The following CALN1 variants were observed in gnomAD, a reference collection of about 807,000 sequenced individuals.
CALN1 encodes the protein calcium-binding protein 8.
A neutral mutation model predicts 30.6 loss-of-function variants in CALN1; 17 were observed. The observed-to-expected ratio is 0.56, with a 90% confidence interval of 0.38 to 0.83. CALN1 has a LOEUF of 0.83. Among genes scored for constraint, CALN1 ranks in the 40% least tolerant of loss-of-function variants. CALN1 has a pLI of 0.00. For missense variants in CALN1, 291 were observed against 354.9 expected (o/e 0.82, Z 1.45); for synonymous variants, 156 against 131.4 (o/e 1.19, Z -1.28).
chr7:72,484,467 C>A, the CALN1 span, among the ~76,000 whole-genome samples: 3 of 152,160 alleles, frequency 2.0e-5, no homozygotes, highest in African/African-American at 7.2e-5. Context: ...AGGCACTATT[C>A]CCAGTCCTGC....
intron 5 of CALN1, among the ~76,000 whole-genome samples, chr7:71,825,648 A>T (rs376022181): frequency 1.3e-5 from 2 of 152,112 alleles, no homozygotes; most frequent in African/African-American, 4.8e-5. Context: ...AGAGAGACAG[A>T]CGTACCTTGG....
intron 5 of CALN1, among the ~76,000 whole-genome samples, chr7:71,902,162 T>C (rs1381921274): frequency 1.3e-5 from 2 of 152,030 alleles, no homozygotes; most frequent in Non-Finnish European, 2.9e-5. Context: ...AGGCGGAGCT[T>C]GCAGTGAGCT....
intron 3 of CALN1, among the ~76,000 whole-genome samples, chr7:72,243,961 C>G (rs1016857120): frequency 5.3e-5 from 8 of 152,198 alleles, no homozygotes; most frequent in African/African-American, 1.7e-4. Context: ...CTACCTCTAT[C>G]TACCGTACAA....
intron 1 of CALN1, among the ~76,000 whole-genome samples, chr7:72,437,450 C>G (rs968381387): frequency 6.6e-6 from 1 of 151,340 alleles, no homozygotes; most frequent in Non-Finnish European, 1.5e-5. Context: ...AGCTTCAAAA[C>G]AAAAGAGAAC....
intron 1 of CALN1, among the ~76,000 whole-genome samples, chr7:72,445,947 C>T (rs1808512423): frequency 6.6e-6 from 1 of 152,170 alleles, no homozygotes; most frequent in Non-Finnish European, 1.5e-5. Context: ...GTTAACCATT[C>T]AGCGTGTTTT....
intron 2 of CALN1, among the ~76,000 whole-genome samples, chr7:72,389,974 A>C (rs1335560885): frequency 6.6e-6 from 1 of 151,828 alleles, no homozygotes; most frequent in Non-Finnish European, 1.5e-5. Flanking sequence ...GAGAATTAAC[A>C]AGCACTAGTT....
At position 71,781,965 on chromosome 7, in the gene CALN1, CA is replaced by C. The variant is rs1554334566; in HGVS notation, c.*5809del. 6.6e-6 allele frequency: 1 copy of C among 152,154 alleles called. No homozygotes were observed. The highest frequency in any genetic ancestry group is 1.5e-5 in the Non-Finnish European group (1 of 68,030). 9.4% of individuals were successfully genotyped at this position (152,154 alleles called of 1,614,324 possible). On this transcript the variant is annotated 3_prime_UTR_variant, in exon 7 of 7. Coordinates refer to ENST00000395275, the MANE Select transcript of CALN1 (RefSeq NM_031468.4). ...AATTTTGCCTTGGAGACGTTTTGAACAGTATTGTCATGTCTCTCGAGACCCT... is the reference window on the plus strand; with the variant it reads ...AATTTTGCCTTGGAGACGTTTTGAACGTATTGTCATGTCTCTCGAGACCCT...
intron 2 of CALN1, among the ~76,000 whole-genome samples, chr7:72,383,658 G>A (rs553942915): frequency 1.3e-5 from 2 of 152,260 alleles, no homozygotes; most frequent in South Asian, 2.1e-4. Context: ...TTACCTCTAA[G>A]GAAGTGTTCT....
At chr7:72,406,147 G>A (rs938055833) in intron 1 of CALN1, among the ~76,000 whole-genome samples, 1 of 152,186 alleles carries the variant, frequency 6.6e-6, no homozygotes, top group Non-Finnish European at 1.5e-5. Flanking sequence ...GGCTCCCATA[G>A]CCAGAAGCCG....
intron 3 of CALN1, among the ~76,000 whole-genome samples, chr7:72,155,661 A>G (rs180672027): frequency 6.6e-6 from 1 of 152,288 alleles, no homozygotes. Context: ...AGGGAGGGCT[A>G]TAATGCCAAC....
At chr7:72,282,674 C>T (rs1358525906) in intron 2 of CALN1, among the ~76,000 whole-genome samples, 2 of 152,174 alleles carry the variant, frequency 1.3e-5, no homozygotes, top group Non-Finnish European at 2.9e-5. Context: ...ACCCATAGAA[C>T]TGTAGGCAAT....
the CALN1 span, among the ~76,000 whole-genome samples, chr7:72,503,905 C>T: frequency 6.6e-6 from 1 of 152,088 alleles, no homozygotes; most frequent in Non-Finnish European, 1.5e-5. Flanking sequence ...TTTAATGGCT[C>T]CCAGGGAATT....
intron 4 of CALN1, among the ~76,000 whole-genome samples, chr7:72,064,154 C>T (rs374696096): frequency 2.0e-5 from 3 of 151,808 alleles, no homozygotes; most frequent in Non-Finnish European, 4.4e-5. Flanking sequence ...TGGTGGTACA[C>T]TCCTGTAATC....
At chr7:72,341,693 T>C (rs1802393290) in intron 2 of CALN1, among the ~76,000 whole-genome samples, 1 of 152,224 alleles carries the variant, frequency 6.6e-6, no homozygotes, top group African/African-American at 2.4e-5. Flanking sequence ...GCAAGTTGTT[T>C]ACTCTCTCTG....
intron 4 of CALN1, among the ~76,000 whole-genome samples, chr7:72,102,455 T>C (rs1305403408): frequency 6.6e-6 from 1 of 152,054 alleles, no homozygotes; most frequent in Non-Finnish European, 1.5e-5. Flanking sequence ...TCGCAAATTT[T>C]AAAAACACTA....
intron 3 of CALN1, among the ~76,000 whole-genome samples, chr7:72,107,105 C>T (rs949931082): frequency 1.3e-5 from 2 of 152,082 alleles, no homozygotes; most frequent in African/African-American, 2.4e-5. Flanking sequence ...AGGAGGCACA[C>T]AATTAGATGG....
intron 3 of CALN1, among the ~76,000 whole-genome samples, chr7:72,185,790 G>A (rs760172602): frequency 9.2e-5 from 14 of 152,096 alleles, no homozygotes; most frequent in East Asian, 1.9e-4. Context: ...CTGCTTTCCC[G>A]TCTTCCTCAT....
chr7:72,304,512 T>C (rs923469688), intron 2 of CALN1, among the ~76,000 whole-genome samples: 4 of 152,148 alleles, frequency 2.6e-5, no homozygotes, highest in Non-Finnish European at 4.4e-5. Context: ...AAAAATCAAG[T>C]AAGCACTTTA....
intron 3 of CALN1, among the ~76,000 whole-genome samples, chr7:72,184,958 A>C (rs2129546381): frequency 6.6e-6 from 1 of 151,988 alleles, no homozygotes; most frequent in South Asian, 2.1e-4. Context: ...AGCCCGGCTA[A>C]TTTTTATTTT....
Sources: allele counts gnomAD v4.1 joint callset (sites outside exome capture counted in the v4.1 genomes callset), GRCh38; gene constraint gnomAD v4.1.1; transcripts MANE v1.5; gene names NCBI Gene and HGNC (gene_info 2026-07-23, HGNC 2026-07-21).